The following LAMA2 variants were observed in gnomAD, a reference collection of about 807,000 sequenced individuals.
The protein encoded by LAMA2 is laminin subunit alpha 2, also known as laminin subunit alpha-2.
LAMA2 carries 269 observed loss-of-function variants against 364.8 expected under a neutral mutation model. That is an observed-to-expected ratio of 0.74 (90% CI 0.67 to 0.82). LAMA2 has a LOEUF of 0.82. LAMA2 is among the 40% of genes least tolerant of loss of function. The pLI, the probability that LAMA2 is intolerant of heterozygous loss-of-function variation, is 0.00. For synonymous variants in LAMA2, 1,379 were observed against 1,370.6 expected (o/e 1.01, Z -0.14); for missense variants, 3,807 against 3,873.2 (o/e 0.98, Z 0.45).
Position 129,371,639 on chromosome 6 carries a change from C to A in LAMA2, c.4959+1649C>A, listed in dbSNP as rs1778088234. On this transcript the variant is annotated intron_variant, in intron 34 of 64. Transcript: ENST00000421865. Reference sequence around the variant, plus strand: ...TTTTTTTTTTTGAGACAGAGTCTTGCTCTGTCGCCGAGGCTGGAGTGCAGT... The same window carrying A: ...TTTTTTTTTTTGAGACAGAGTCTTGATCTGTCGCCGAGGCTGGAGTGCAGT... Among the ~76,000 whole-genome samples the A allele has an allele frequency of 2.1e-5, 3 of 143,324 alleles. No homozygotes were observed. In the South Asian group the frequency reaches 6.7e-4, roughly 32 times the overall value. 94.0% of individuals were successfully genotyped at this position (143,324 alleles called of 152,430 possible).
chr6:129,311,416 C>T (rs893840775), intron 22 of LAMA2, among the ~76,000 whole-genome samples: 18 of 152,152 alleles, frequency 1.2e-4, no homozygotes, highest in African/African-American at 4.3e-4. Context: ...CCACCGCGCC[C>T]GGCCTAATGA....
At chr6:129,511,635 TACTC>T (rs564730541) in intron 62 of LAMA2, among the ~76,000 whole-genome samples, 77 of 152,280 alleles carry the variant, frequency 5.1e-4, no homozygotes, top group African/African-American at 1.7e-3. Flanking sequence ...ATTTCTCTGA[TACTC>T]AGTTCAGTTG....
chr6:129,119,276 A>G, intron 4 of LAMA2, among the ~76,000 whole-genome samples: 1 of 152,152 alleles, frequency 6.6e-6, no homozygotes, highest in East Asian at 1.9e-4. Context: ...ACATTTTTTT[A>G]ATTTTAGCAT....
intron 1 of LAMA2, among the ~76,000 whole-genome samples, chr6:129,035,528 A>AAT (rs1786579140): frequency 7.5e-6 from 1 of 133,480 alleles, no homozygotes; most frequent in Non-Finnish European, 1.6e-5. Flanking sequence ...CCATTTGTTC[A>AAT]TTTTTTTTTT....
intron 22 of LAMA2, among the ~76,000 whole-genome samples, chr6:129,308,317 C>T (rs1271973421): frequency 6.6e-6 from 1 of 152,166 alleles, no homozygotes; most frequent in Non-Finnish European, 1.5e-5. Flanking sequence ...CAAGCATCCA[C>T]CATATCACTT....
chr6:128,903,431 T>C (rs1325597995), intron 1 of LAMA2, among the ~76,000 whole-genome samples: 1 of 152,196 alleles, frequency 6.6e-6, no homozygotes, highest in African/African-American at 2.4e-5. Flanking sequence ...ATTTACATGG[T>C]TGTATGGAAG....
intron 61 of LAMA2, among the ~76,000 whole-genome samples, chr6:129,506,415 A>G (rs1786079356): frequency 6.6e-6 from 1 of 152,176 alleles, no homozygotes; most frequent in South Asian, 2.1e-4. Flanking sequence ...TAGCAGGCAT[A>G]TAAAAAGCAC....
At chr6:129,301,254 G>T (rs1286511428) in intron 22 of LAMA2, among the ~76,000 whole-genome samples, 2 of 152,106 alleles carry the variant, frequency 1.3e-5, no homozygotes, top group African/African-American at 4.8e-5. Flanking sequence ...TAGGTTTTAG[G>T]TTTCAGGAAG....
intron 41 of LAMA2, among the ~76,000 whole-genome samples, chr6:129,430,846 T>C (rs975633193): frequency 6.6e-6 from 1 of 151,958 alleles, no homozygotes; most frequent in Non-Finnish European, 1.5e-5. Flanking sequence ...CTGTCTCAAA[T>C]AATAATTAAT....
intron 37 of LAMA2, among the ~76,000 whole-genome samples, chr6:129,398,804 T>C (rs555317246): frequency 2.0e-5 from 3 of 152,020 alleles, no homozygotes; most frequent in Non-Finnish European, 2.9e-5. Context: ...AAAATATTTA[T>C]TGAGGAAACT....
intron 15 of LAMA2, among the ~76,000 whole-genome samples, chr6:129,262,156 C>G (rs941813497): frequency 5.9e-5 from 9 of 152,086 alleles, no homozygotes; most frequent in African/African-American, 1.9e-4. Flanking sequence ...ATTGGCTATG[C>G]TTTTAGTCTC....
intron 12 of LAMA2, among the ~76,000 whole-genome samples, chr6:129,224,677 A>ATCACT (rs1784125264): frequency 6.6e-6 from 1 of 152,210 alleles, no homozygotes; most frequent in East Asian, 1.9e-4. Flanking sequence ...CATCCCGTGG[A>ATCACT]TGAAGCCCAC....
At chr6:129,229,101 G>T (rs1784512070) in intron 12 of LAMA2, among the ~76,000 whole-genome samples, 1 of 152,136 alleles carries the variant, frequency 6.6e-6, no homozygotes, top group Non-Finnish European at 1.5e-5. Flanking sequence ...TTTCCAAACA[G>T]TGAATACAAC....
chr6:129,472,513 G>C (rs1783861821), intron 51 of LAMA2, among the ~76,000 whole-genome samples: 1 of 151,938 alleles, frequency 6.6e-6, no homozygotes, highest in African/African-American at 2.4e-5. Context: ...AATGCAGTTT[G>C]AACAGAGAAG....
intron 60 of LAMA2, among the ~76,000 whole-genome samples, chr6:129,504,488 C>T (rs745866651): frequency 6.6e-6 from 1 of 152,058 alleles, no homozygotes; most frequent in Non-Finnish European, 1.5e-5. Context: ...CTGACCCAGA[C>T]TCATTTTTAA....
intron 1 of LAMA2, among the ~76,000 whole-genome samples, chr6:129,023,799 GTTA>G (rs992605808): frequency 6.6e-6 from 1 of 152,030 alleles, no homozygotes; most frequent in Non-Finnish European, 1.5e-5. Context: ...CCTTTATACA[GTTA>G]TCATACCATT....
rs4397244 is a variant in LAMA2 at position 129,189,937 on chromosome 6, C to T, written c.1468-268C>T. Among the ~76,000 whole-genome samples the T allele has an allele frequency of 0.012, 1,791 of 152,248 alleles. 16 individuals carry two copies. The highest frequency in any genetic ancestry group is 0.019 in the Non-Finnish European group (1,260 of 68,006). On this transcript the variant is annotated intron_variant, in intron 10 of 64. Transcript: ENST00000421865. ...ACAGGTATTTATCATGACATTTACT[C>T]TACACTCAACCTACATGAAGATCAA...
intron 20 of LAMA2, among the ~76,000 whole-genome samples, chr6:129,294,281 A>T (rs1789933921): frequency 1.3e-5 from 2 of 152,232 alleles, no homozygotes; most frequent in Non-Finnish European, 2.9e-5. Context: ...GCCTGAGAGA[A>T]GGATACTCTT....
intron 32 of LAMA2, among the ~76,000 whole-genome samples, chr6:129,362,880 G>A (rs899023438): frequency 1.6e-4 from 25 of 152,056 alleles, no homozygotes; most frequent in Non-Finnish European, 1.5e-4. Context: ...GAAGACCAAG[G>A]GAGAAGAATT....
Sources: gnomAD v4.1 joint callset for allele counts (sites outside exome capture counted in the v4.1 genomes callset) on GRCh38, gnomAD v4.1.1 for gene constraint, MANE v1.5 for transcripts, NCBI Gene and HGNC (gene_info 2026-07-23, HGNC 2026-07-21) for gene names.